Variants in LMF1 observed in about 807,000 individuals in gnomAD.
LMF1 encodes the protein lipase maturation factor 1.
LMF1 carries 68 observed loss-of-function variants against 60.6 expected under a neutral mutation model. The observed-to-expected ratio is 1.12, with a 90% CI of 0.92 to 1.37. The LOEUF is 1.37. Among genes scored for constraint, LMF1 ranks in the 40% most tolerant of loss-of-function variants. The pLI is 0.00. For missense variants in LMF1, 948 were observed against 767.2 expected (o/e 1.24, Z -2.78); for synonymous variants, 418 against 324.7 (o/e 1.29, Z -3.09).
chr16:857,429 C>CAGTGGTGTCACGGGACGGGTGTG (rs1567132071), intron 10 of LMF1, among the ~76,000 whole-genome samples: 21 of 149,644 alleles, frequency 1.4e-4, no homozygotes, highest in African/African-American at 4.4e-4. Flanking sequence ...GATGGGTGTG[C>CAGTGGTGTCACGGGACGGGTGTG]AGTGGTGTCA....
At chr16:974,843 G>T (rs544530137), upstream of LMF1, among the ~76,000 whole-genome samples, 42 of 152,354 alleles carry the variant, frequency 2.8e-4, no homozygotes, top group African/African-American at 1.0e-3. Flanking sequence ...GCACCCGCAG[G>T]AAGCCAGTGT....
chr16:875,860 C>G (rs538945232), intron 6 of LMF1, among the ~76,000 whole-genome samples: 2 of 152,132 alleles, frequency 1.3e-5, no homozygotes, highest in South Asian at 2.1e-4. Context: ...GGGTGACTCC[C>G]GGGAGTCTCC....
upstream of LMF1, among the ~76,000 whole-genome samples, chr16:974,119 T>A (rs567027133): frequency 1.3e-5 from 2 of 152,318 alleles, no homozygotes; most frequent in Admixed American, 1.3e-4. Context: ...CATCATGTCA[T>A]TTACGCTCAC....
chr16:857,033 C>T (rs184361301), intron 10 of LMF1, among the ~76,000 whole-genome samples: 6 of 152,374 alleles, frequency 3.9e-5, no homozygotes, highest in African/African-American at 9.6e-5. Flanking sequence ...CCCTGCGGCA[C>T]GTACCCGCGG....
Position 934,239 on chromosome 16 carries a change from C to G in LMF1, c.514+5G>C, listed in dbSNP as rs1389012504. ...CAGAGCTTTCTCTAAATGCATCTCA[C>G]TTACCGAAAGAGTACCTGAAAAACA... On this transcript the variant is annotated splice_donor_5th_base_variant and intron_variant, in intron 3 of 10. Transcript: ENST00000262301. The G allele has an allele frequency of 6.3e-7, 1 of 1,599,416 alleles. No individual in the cohort carries two copies. The highest frequency in any genetic ancestry group is 8.5e-7 in the Non-Finnish European group (1 of 1,179,790).
chr16:933,747 G>A, intron 3 of LMF1: 1 of 351,304 alleles, frequency 2.8e-6, no homozygotes, highest in Non-Finnish European at 5.5e-6. Context: ...CGTCCTCCCG[G>A]CCCTGTCCTG....
At position 962,294 on chromosome 16, in the gene LMF1, G is replaced by A. The variant is rs2072824897; in HGVS notation, c.194-7628C>T. The stretch of plus-strand genomic sequence containing the variant: ...ATCACGACCCAGAGGGAAAATAAAT[G>A]GGCGTGGGTCCATAGTGACAAAATC... On this transcript the variant is annotated intron_variant, in intron 1 of 10. Transcript: ENST00000262301. The surrounding 1 kb of genome is among the most constrained non-coding windows in gnomAD (Gnocchi z 4.5). Among the ~76,000 whole-genome samples the A allele has an allele frequency of 6.6e-6, 1 of 152,246 alleles. No individual in the cohort carries two copies. The highest frequency in any genetic ancestry group is 2.1e-4 in the South Asian group (1 of 4,836).
At chr16:858,693 ACGGGACGGGTGTGAGTGGTGTCT>A (rs2069299621) in intron 10 of LMF1, among the ~76,000 whole-genome samples, 2 of 8,590 alleles carry the variant, frequency 2.3e-4, no homozygotes, top group Non-Finnish European at 4.1e-4. Context: ...GAGTGGTGTC[ACGGGACGGGTGTGAGTGGTGTCT>A]CGGGACGGGT....
At chr16:914,111 G>A (rs999657647) in intron 3 of LMF1, among the ~76,000 whole-genome samples, 22 of 152,218 alleles carry the variant, frequency 1.4e-4, no homozygotes, top group African/African-American at 5.3e-4. Context: ...GGCCCTACGA[G>A]ATGCTGAGCC....
intron 10 of LMF1, among the ~76,000 whole-genome samples, chr16:865,041 T>C (rs2069574065): frequency 6.6e-6 from 1 of 152,246 alleles, no homozygotes; most frequent in South Asian, 2.1e-4. Flanking sequence ...TGCTTTCCTA[T>C]GGGTTATGTA....
At chr16:885,489 T>C (rs991557799) in intron 5 of LMF1, among the ~76,000 whole-genome samples, 2 of 152,114 alleles carry the variant, frequency 1.3e-5, no homozygotes, top group African/African-American at 4.8e-5. Flanking sequence ...ACGCCAGCTC[T>C]AAGAGATCCG....
intron 3 of LMF1, among the ~76,000 whole-genome samples, chr16:916,498 T>C (rs1001084232): frequency 6.6e-6 from 1 of 152,194 alleles, no homozygotes; most frequent in South Asian, 2.1e-4. Context: ...CAAATCTTAC[T>C]TTGCACTATC....
intron 3 of LMF1, among the ~76,000 whole-genome samples, chr16:925,834 C>G (rs1387390787): frequency 6.6e-6 from 1 of 152,264 alleles, no homozygotes; most frequent in African/African-American, 2.4e-5. Flanking sequence ...AGAAATGTAT[C>G]TAATATGGCC....
At chr16:924,801 T>G (rs766229430) in intron 3 of LMF1, among the ~76,000 whole-genome samples, 5 of 152,234 alleles carry the variant, frequency 3.3e-5, no homozygotes, top group Non-Finnish European at 7.3e-5. Context: ...AGCTAGAGTA[T>G]ATTTTAAAAT....
chr16:913,642 G>T (rs1164204515), intron 3 of LMF1, among the ~76,000 whole-genome samples: 5 of 152,260 alleles, frequency 3.3e-5, no homozygotes, highest in African/African-American at 1.2e-4. Flanking sequence ...GCCCAAGGCA[G>T]GAGCCTGTGG....
intron 2 of LMF1, among the ~76,000 whole-genome samples, chr16:948,050 A>G (rs1321632533): frequency 6.6e-6 from 1 of 151,806 alleles, no homozygotes; most frequent in Non-Finnish European, 1.5e-5. Flanking sequence ...TCAGCCAATG[A>G]CAGAGTCAGC....
At position 954,905 on chromosome 16, in the gene LMF1, G is replaced by A. The variant is rs60639630; in HGVS notation, c.194-239C>T. On this transcript the variant is annotated intron_variant, in intron 1 of 10. Transcript: ENST00000262301. ...TGCATACACGCATACACATCTAAGT[G>A]AACTAGACACGTTACATAAAATGCG... Among the ~76,000 whole-genome samples the A allele has an allele frequency of 0.39, 41,441 of 106,012 alleles. 10,047 individuals are homozygous for A. Among genetic ancestry groups the A allele is most frequent in the African/African-American group, 0.67 (17,051 of 25,426 alleles). The allele number at this position is 106,012 out of a possible 152,430, so 69.5% of individuals were successfully genotyped here. A position where few individuals can be genotyped will look rare whatever the true frequency, so the allele number is the denominator to read the frequency against.
intron 1 of LMF1, among the ~76,000 whole-genome samples, chr16:956,807 GCA>G (rs2151481414): frequency 7.0e-6 from 1 of 142,646 alleles, no homozygotes. Flanking sequence ...TTGCGCCACT[GCA>G]CTCCAGCCTG....
chr16:909,405 G>C, intron 4 of LMF1, among the ~76,000 whole-genome samples: 1 of 152,140 alleles, frequency 6.6e-6, no homozygotes, highest in Non-Finnish European at 1.5e-5. Flanking sequence ...GTGCACCAAA[G>C]CACACTAAAC....
Sources: allele counts gnomAD v4.1 joint callset (sites outside exome capture counted in the v4.1 genomes callset), GRCh38; gene constraint gnomAD v4.1.1; non-coding constraint Gnocchi (gnomAD v3.1); transcripts MANE v1.5; gene names NCBI Gene and HGNC (gene_info 2026-07-23, HGNC 2026-07-21).